The following SCYL3 variants were observed in gnomAD, a reference collection of about 807,000 sequenced individuals.
SCYL3 encodes protein-associating with the carboxyl-terminal domain of ezrin.
SCYL3 carries 35 observed loss-of-function variants against 73.8 expected under a neutral mutation model. That is an observed-to-expected ratio of 0.47 (90% CI 0.36 to 0.63). The LOEUF is 0.63. SCYL3 is among the 20% of genes least tolerant of loss of function. SCYL3 has a pLI of 0.00. For missense variants in SCYL3, 712 were observed against 798.9 expected (o/e 0.89, Z 1.31); for synonymous variants, 277 against 295.2 (o/e 0.94, Z 0.63).
At chr1:169,872,301 C>A (rs1660463037) in intron 5 of SCYL3, among the ~76,000 whole-genome samples, 1 of 152,252 alleles carries the variant, frequency 6.6e-6, no homozygotes, top group Non-Finnish European at 1.5e-5. Context: ...GTGCAAGCCC[C>A]AAGCCTTGGC....
In SCYL3 at chr1:169,864,154, A is replaced by G. The variant is rs550090594; in HGVS notation, c.955+215T>C. 2.0e-4 allele frequency among the ~76,000 whole-genome samples: 31 copies of G among 152,336 alleles called. No individual in the cohort carries two copies. In the South Asian group the frequency reaches 5.8e-3, roughly 29 times the overall value. ...ATTCTAGTCAGATATAACACTTACT[A>G]TAGTAAATTGGACTCTCTAGGAAGA... On this transcript the variant is annotated intron_variant, in intron 9 of 12. Coordinates refer to ENST00000367771, the MANE Select transcript of SCYL3 (RefSeq NM_020423.7).
At chr1:169,865,455 C>T (rs939483309) in intron 8 of SCYL3, among the ~76,000 whole-genome samples, 10 of 152,170 alleles carry the variant, frequency 6.6e-5, no homozygotes, top group African/African-American at 2.2e-4. Flanking sequence ...AGGCCACCCC[C>T]ATCCAGCCAC....
intron 1 of SCYL3, among the ~76,000 whole-genome samples, chr1:169,892,030 TTTC>T (rs1032058279): frequency 1.2e-4 from 18 of 152,204 alleles, no homozygotes; most frequent in African/African-American, 4.1e-4. Context: ...AGGATGCCAT[TTTC>T]TTGTTTTGAA....
chr1:169,886,884 T>C (rs966301749), intron 2 of SCYL3, among the ~76,000 whole-genome samples: 1 of 152,230 alleles, frequency 6.6e-6, no homozygotes, highest in African/African-American at 2.4e-5. Context: ...AAAGTGTATA[T>C]TGTTATCCAG....
At position 169,854,612 on chromosome 1, in the gene SCYL3, A is replaced by G. The variant is rs780486621; in HGVS notation, c.1665T>C (p.Thr555=). 1.2e-6 allele frequency: 2 copies of G among 1,614,024 alleles called. No individual in the cohort carries two copies. The highest frequency in any genetic ancestry group is 1.7e-6 in the Non-Finnish European group (2 of 1,179,978). Residue 555 remains threonine (T), a synonymous_variant, in exon 12 of 13, where the codon ACT becomes ACC. Coordinates refer to ENST00000367771, the MANE Select transcript of SCYL3 (RefSeq NM_020423.7). Reference sequence around the variant, plus strand: ...TTGATTTCCAAGGCATAGACTCTTCAGTGAGTGAAAGCAAAGCAGGAATAG... The same window carrying G: ...TTGATTTCCAAGGCATAGACTCTTCGGTGAGTGAAAGCAAAGCAGGAATAG... The part of the protein sequence containing the change: ...QKPIPALLSL[T]EESMPWKSSL...
Position 169,849,930 on chromosome 1 carries a change from C to A in SCYL3, c.*3783G>T, listed in dbSNP as rs1205725798. ...ATACATTTCATTTTGTGCTATCAGTCATAAGGGTTAGGCTGATGAACCTAA... is the reference window on the plus strand; with the variant it reads ...ATACATTTCATTTTGTGCTATCAGTAATAAGGGTTAGGCTGATGAACCTAA... On this transcript the variant is annotated 3_prime_UTR_variant, in exon 13 of 13. Coordinates refer to ENST00000367771, the MANE Select transcript of SCYL3 (RefSeq NM_020423.7). The A allele has an allele frequency of 4.3e-6, 2 of 465,204 alleles. No individual in the cohort carries two copies. Among genetic ancestry groups the A allele is most frequent in the Admixed American group, 3.7e-5 (1 of 26,822 alleles). 28.8% of individuals were successfully genotyped at this position (465,204 alleles called of 1,614,324 possible).
intron 3 of SCYL3, among the ~76,000 whole-genome samples, chr1:169,876,885 G>T (rs1219310327): frequency 6.8e-6 from 1 of 147,426 alleles, no homozygotes; most frequent in African/African-American, 2.5e-5. Flanking sequence ...AACCCGGGAG[G>T]TGGAGCTTGC....
At chr1:169,872,387 G>C (rs1327357839) in intron 5 of SCYL3, among the ~76,000 whole-genome samples, 5 of 152,280 alleles carry the variant, frequency 3.3e-5, no homozygotes, top group African/African-American at 1.2e-4. Flanking sequence ...CTAGATTTCA[G>C]AAGATGTATG....
intron 3 of SCYL3, 76 bp from the exon 4 acceptor site, chr1:169,876,167 T>C: frequency 1.2e-6 from 1 of 800,264 alleles, no homozygotes; most frequent in Non-Finnish European, 1.9e-6. Context: ...AAGATGTTTT[T>C]CTCCATCTCT....
At chr1:169,885,012 T>A (rs749590393) in intron 2 of SCYL3, among the ~76,000 whole-genome samples, 5 of 152,208 alleles carry the variant, frequency 3.3e-5, no homozygotes, top group Non-Finnish European at 4.4e-5. Flanking sequence ...TAGGATATTT[T>A]TCAATGAACA....
intron 4 of SCYL3, among the ~76,000 whole-genome samples, chr1:169,873,982 C>G (rs1660616454): frequency 6.6e-6 from 1 of 152,154 alleles, no homozygotes; most frequent in South Asian, 2.1e-4. Context: ...TTTTCCTCTC[C>G]CCTTCATCTG....
Position 169,854,577 on chromosome 1 carries a change from T to C in SCYL3, c.1700A>G (p.Gln567Arg), listed in dbSNP as rs4656197. 0.6 allele frequency: 970,069 copies of C among 1,613,236 alleles called. 294,269 individuals carry two copies. Among genetic ancestry groups the C allele is most frequent in the Middle Eastern group, 0.75 (4,550 of 6,058 alleles). ...CCCCCTTTGTACAAGGCTAATCTTT[T>C]GGGGTAAGCTTGATTTCCAAGGCAT... ...ESMPWKSSLP[Q>R]KISLVQRGDD... is the part of the protein sequence containing the mutation. Residue 567 changes from glutamine to arginine, a missense_variant, in exon 12 of 13, where the codon CAA (glutamine) becomes CGA (arginine). Coordinates refer to ENST00000367771, the MANE Select transcript of SCYL3 (RefSeq NM_020423.7).
intron 11 of SCYL3, among the ~76,000 whole-genome samples, chr1:169,857,870 C>T (rs537495168): frequency 1.3e-5 from 2 of 152,240 alleles, no homozygotes; most frequent in South Asian, 4.1e-4. Flanking sequence ...TGTTACTGTA[C>T]TGAATACTGT....
chr1:169,853,489 C>G lies in SCYL3; in HGVS notation c.*224G>C. 2.0e-6 allele frequency: 1 copy of G among 496,484 alleles called. No individual in the cohort carries two copies. Among genetic ancestry groups the G allele is most frequent in the South Asian group, 3.5e-5 (1 of 28,454 alleles). 30.8% of individuals were successfully genotyped at this position (496,484 alleles called of 1,614,324 possible). On this transcript the variant is annotated 3_prime_UTR_variant, in exon 13 of 13. Transcript: ENST00000367771. ...CTGGCCTCAGTCAAATGCACAAAGG[C>G]TCTTCCTCCTGGAAACCAGTACTGT... is the stretch of plus-strand genomic sequence containing the variant.
intron 11 of SCYL3, among the ~76,000 whole-genome samples, chr1:169,857,932 A>C (rs1168077159): frequency 1.3e-5 from 2 of 152,204 alleles, no homozygotes; most frequent in Admixed American, 6.5e-5. Flanking sequence ...ATAGAAAAGT[A>C]AAAATATAAT....
At chr1:169,869,060 T>TA in intron 6 of SCYL3, 21 bp from the exon 7 acceptor site, 1 of 1,580,668 alleles carries the variant, frequency 6.3e-7, no homozygotes, top group Non-Finnish European at 8.7e-7. Context: ...GAGCTACAGT[T>TA]AGTTTCCAAT....
At chr1:169,890,818 A>T (rs551370007) in intron 1 of SCYL3, among the ~76,000 whole-genome samples, 35 of 152,392 alleles carry the variant, frequency 2.3e-4, no homozygotes, top group South Asian at 2.1e-4. Context: ...AAGTATGGCA[A>T]CTATGGTAAC....
rs1172986431 is a variant in SCYL3 at position 169,853,555 on chromosome 1, A to G, written c.*158T>C. ...GGGCTTTTAGCCAGCACTCACAGTC[A>G]GTCTCCTACTTCAGTTGGCACAGAC... is the stretch of plus-strand genomic sequence containing the variant. On this transcript the variant is annotated 3_prime_UTR_variant, in exon 13 of 13. Coordinates refer to ENST00000367771, the MANE Select transcript of SCYL3 (RefSeq NM_020423.7). 12 of 716,304 alleles carry G rather than the reference A, an allele frequency of 1.7e-5. No individual in the cohort carries two copies. Among genetic ancestry groups the G allele is most frequent in the Non-Finnish European group, 2.8e-5 (12 of 427,934 alleles). 44.4% of individuals were successfully genotyped at this position (716,304 alleles called of 1,614,324 possible). A position where few individuals can be genotyped will look rare whatever the true frequency, so the allele number is the denominator to read the frequency against.
At chr1:169,856,773 C>A (rs1239096420) in intron 11 of SCYL3, among the ~76,000 whole-genome samples, 3 of 152,208 alleles carry the variant, frequency 2.0e-5, no homozygotes, top group African/African-American at 7.2e-5. Context: ...GAGACCACAG[C>A]CTCTACATCA....
Sources: gnomAD v4.1 joint callset for allele counts (sites outside exome capture counted in the v4.1 genomes callset) on GRCh38, gnomAD v4.1.1 for gene constraint, MANE v1.5 for transcripts, NCBI Gene and HGNC (gene_info 2026-07-23, HGNC 2026-07-21) for gene names.